Variants in NNMT observed in about 807,000 individuals in gnomAD.
NNMT encodes nicotinamide N-methyltransferase.
Under a neutral mutation model 11.7 loss-of-function variants are expected in NNMT, and 10 were observed. The observed-to-expected ratio is 0.85, with a 90% confidence interval of 0.53 to 1.45. The LOEUF is 1.45. Ranked by LOEUF, NNMT falls within the 40% of genes most tolerant of loss-of-function variation. The probability of loss-of-function intolerance (pLI) is 0.00; values close to 1 mark genes in which losing one functional copy is unlikely to be tolerated. For synonymous variants in NNMT, 143 were observed against 133.8 expected, an observed-to-expected ratio of 1.07 and a Z score of -0.48; for missense variants, 381 against 319.4, an observed-to-expected ratio of 1.19 and a Z score of -1.47.
chr11:114,297,728 C>A (rs149045389), intron 1 of NNMT, among the ~76,000 whole-genome samples: 19 of 152,282 alleles, frequency 1.2e-4, no homozygotes, highest in African/African-American at 4.6e-4. Context: ...CTCAAGTGAT[C>A]CTCCTGCCTT....
At chr11:114,299,462 T>G (rs1243490476) in intron 2 of NNMT, among the ~76,000 whole-genome samples, 1 of 152,224 alleles carries the variant, frequency 6.6e-6, no homozygotes, top group Non-Finnish European at 1.5e-5. Context: ...TCATGAAGTA[T>G]AATTGAGCTA....
rs187504486 is a variant in NNMT at position 114,268,508 on chromosome 11, C to T, written c.-130+5574C>T. ...ACAACAGACCAGGCGCGGTGGCTCACGCCTGTAATCCCAGCACTTTGGGAA... is the reference window on the plus strand; with the variant it reads ...ACAACAGACCAGGCGCGGTGGCTCATGCCTGTAATCCCAGCACTTTGGGAA... On this transcript the variant is annotated intron_variant, in intron 2 of 4. Transcript: ENST00000535401. Among the ~76,000 whole-genome samples, 73 of 152,244 alleles carry T rather than the reference C, an allele frequency of 4.8e-4. 1 individual carries two copies. In the East Asian group the frequency reaches 0.014, roughly 28 times the overall value.
At chr11:114,310,649 G>C (rs1308772132) in intron 2 of NNMT, among the ~76,000 whole-genome samples, 1 of 152,194 alleles carries the variant, frequency 6.6e-6, no homozygotes, top group Non-Finnish European at 1.5e-5. Context: ...TTTTCTCCTG[G>C]AGTCTGCATC....
intron 2 of NNMT, among the ~76,000 whole-genome samples, chr11:114,311,498 C>T (rs1025264660): frequency 2.6e-5 from 4 of 152,174 alleles, no homozygotes; most frequent in Non-Finnish European, 5.9e-5. Flanking sequence ...TCCAGGAGTG[C>T]CCTGTTCACA....
chr11:114,308,023 G>A (rs556725880), intron 2 of NNMT, among the ~76,000 whole-genome samples: 5 of 152,060 alleles, frequency 3.3e-5, no homozygotes, highest in Admixed American at 6.6e-5. Context: ...CAATCTCCAT[G>A]AGGTTAGAAT....
At chr11:114,302,690 T>TAAC (rs956911651) in intron 2 of NNMT, among the ~76,000 whole-genome samples, 1 of 152,174 alleles carries the variant, frequency 6.6e-6, no homozygotes, top group Non-Finnish European at 1.5e-5. Flanking sequence ...ACAATGTATA[T>TAAC]AACAATATAT....
intron 2 of NNMT, among the ~76,000 whole-genome samples, chr11:114,268,613 C>CA (rs1363025650): frequency 6.6e-6 from 1 of 151,918 alleles, no homozygotes; most frequent in East Asian, 1.9e-4. Context: ...TACTAAAATA[C>CA]AAAAAATTAG....
At chr11:114,262,503 T>C (rs551073339) in intron 1 of NNMT, among the ~76,000 whole-genome samples, 332 of 152,260 alleles carry the variant, frequency 2.2e-3, no homozygotes, top group African/African-American at 7.8e-3. Flanking sequence ...GTGAGACTGG[T>C]GCCTGTCCTA....
chr11:114,310,965 C>G (rs1190751591), intron 2 of NNMT, among the ~76,000 whole-genome samples: 1 of 152,248 alleles, frequency 6.6e-6, no homozygotes, highest in African/African-American at 2.4e-5. Context: ...ATACAAGCCA[C>G]TCTGTCCCAT....
At chr11:114,259,870 C>T (rs1357784335) in intron 1 of NNMT, among the ~76,000 whole-genome samples, 1 of 152,140 alleles carries the variant, frequency 6.6e-6, no homozygotes, top group African/African-American at 2.4e-5. Flanking sequence ...AACTGTACAC[C>T]GGCTGGCTGC....
chr11:114,299,256 T>C (rs866314937), intron 2 of NNMT, among the ~76,000 whole-genome samples: 6 of 152,238 alleles, frequency 3.9e-5, no homozygotes, highest in African/African-American at 1.2e-4. Context: ...TATTAACTAT[T>C]GGTTTTTCAT....
chr11:114,259,159 A>T (rs1232015069), intron 1 of NNMT, among the ~76,000 whole-genome samples: 1 of 152,104 alleles, frequency 6.6e-6, no homozygotes, highest in East Asian at 1.9e-4. Context: ...CATGATAGGC[A>T]CCCGGTAAAT....
At chr11:114,301,021 G>T (rs1443481991) in intron 2 of NNMT, among the ~76,000 whole-genome samples, 1 of 152,166 alleles carries the variant, frequency 6.6e-6, no homozygotes. Flanking sequence ...GATATCAATT[G>T]TGATATTAAA....
intron 2 of NNMT, among the ~76,000 whole-genome samples, chr11:114,284,623 C>T (rs1945283534): frequency 6.6e-6 from 1 of 151,700 alleles, no homozygotes; most frequent in South Asian, 2.1e-4. Context: ...GCCACCACAC[C>T]CGACTGATTT....
chr11:114,295,419 CTTT>C (rs35621813), upstream of NNMT, among the ~76,000 whole-genome samples: 7 of 85,014 alleles, frequency 8.2e-5, no homozygotes, highest in African/African-American at 3.3e-4. Flanking sequence ...TTAAAGAATT[CTTT>C]TTTTTTTTTT....
chr11:114,299,876 A>G (rs1261650726), intron 2 of NNMT, among the ~76,000 whole-genome samples: 1 of 150,386 alleles, frequency 6.6e-6, no homozygotes, highest in Non-Finnish European at 1.5e-5. Context: ...CATTCTTGAT[A>G]TTGGTAATTT....
chr11:114,294,347 G>A (rs759794442), upstream of NNMT, among the ~76,000 whole-genome samples: 1 of 151,936 alleles, frequency 6.6e-6, no homozygotes, highest in Non-Finnish European at 1.5e-5. Context: ...GCGTGATGGT[G>A]TGCACCTGTA....
intron 2 of NNMT, among the ~76,000 whole-genome samples, chr11:114,305,028 G>T (rs1401580245): frequency 6.6e-6 from 1 of 152,234 alleles, no homozygotes; most frequent in African/African-American, 2.4e-5. Flanking sequence ...GGAATGCATA[G>T]CTTAGGCTTG....
intron 2 of NNMT, among the ~76,000 whole-genome samples, chr11:114,268,450 G>GATTTGGGACTTAC (rs1282314043): frequency 1.6e-4 from 25 of 152,152 alleles, no homozygotes; most frequent in Admixed American, 1.0e-3. Flanking sequence ...AACCAGCCAT[G>GATTTGGGACTTAC]CAACCAAGCT....
Sources: allele counts gnomAD v4.1 joint callset (sites outside exome capture counted in the v4.1 genomes callset), GRCh38; gene constraint gnomAD v4.1.1; transcripts MANE v1.5; gene names NCBI Gene and HGNC (gene_info 2026-07-23, HGNC 2026-07-21).